The following PCDHA1 variants were observed in gnomAD, a reference collection of about 807,000 sequenced individuals.
PCDHA1 encodes protocadherin alpha 1.
A neutral mutation model predicts 61.3 loss-of-function variants in PCDHA1; 42 were observed. The observed-to-expected ratio is 0.69, with a 90% CI of 0.54 to 0.89. The LOEUF is 0.89. Ranked by LOEUF, PCDHA1 falls within the 40% of genes least tolerant of loss-of-function variation. The pLI, the probability that PCDHA1 is intolerant of heterozygous loss-of-function variation, is 0.00. For synonymous variants in PCDHA1, 610 were observed against 553.8 expected (o/e 1.10, Z -1.43); for missense variants, 1,256 against 1,235.3 (o/e 1.02, Z -0.25).
chr5:140,942,629 A>C (rs1401408646), intron 1 of PCDHA1, among the ~76,000 whole-genome samples: 1 of 152,076 alleles, frequency 6.6e-6, no homozygotes, highest in Non-Finnish European at 1.5e-5. Flanking sequence ...TAAAAAAAAA[A>C]ATGGCAAAAG....
intron 1 of PCDHA1, chr5:140,928,710 T>C (rs1370353227): frequency 3.7e-6 from 6 of 1,614,192 alleles, no homozygotes; most frequent in Non-Finnish European, 5.1e-6. Context: ...CGTCTGACTC[T>C]AGTCTCTTTA....
At chr5:140,801,956 A>C in intron 1 of PCDHA1, 2 of 1,614,204 alleles carry the variant, frequency 1.2e-6, no homozygotes, top group Non-Finnish European at 1.7e-6. Flanking sequence ...GATTACTCGA[A>C]AATGCACCAA....
At chr5:141,002,503 A>G (rs924059580) in intron 3 of PCDHA1, among the ~76,000 whole-genome samples, 1 of 152,226 alleles carries the variant, frequency 6.6e-6, no homozygotes, top group African/African-American at 2.4e-5. Flanking sequence ...ACAGCTCAGG[A>G]TCTGAGTCTC....
chr5:140,849,542 G>T lies in PCDHA1; in HGVS notation c.2394+60858G>T. On this transcript the variant is annotated intron_variant, in intron 1 of 3. Coordinates refer to ENST00000504120, the MANE Select transcript of PCDHA1 (RefSeq NM_018900.4). ...TGGATGTAAATGACAATGCTCCACAGTTGACTATCAAAACGCTCTCGGTTC... is the reference window on the plus strand; with the variant it reads ...TGGATGTAAATGACAATGCTCCACATTTGACTATCAAAACGCTCTCGGTTC... 3.1e-6 allele frequency: 5 copies of T among 1,598,272 alleles called. No homozygotes were observed. The South Asian group carries it at 5.5e-5, about 18-fold the overall frequency.
intron 1 of PCDHA1, among the ~76,000 whole-genome samples, chr5:140,951,356 C>T (rs1362153667): frequency 6.6e-6 from 1 of 151,998 alleles, no homozygotes; most frequent in African/African-American, 2.4e-5. Flanking sequence ...CATTATTGCA[C>T]TGTTATAAAG....
chr5:140,831,031 G>A (rs10038174), intron 1 of PCDHA1: 88,595 of 152,032 alleles, frequency 0.58, 26,556 homozygotes, highest in African/African-American at 0.72. Context: ...TTGTGATTCC[G>A]GGAGGCAATA....
At chr5:140,807,683 G>A (rs1364213662) in intron 1 of PCDHA1, 1 of 1,614,210 alleles carries the variant, frequency 6.2e-7, no homozygotes. Flanking sequence ...CGGGGAGAAC[G>A]CCCTGCTCAC....
intron 1 of PCDHA1, chr5:140,843,181 C>T (rs1463551741): frequency 1.3e-6 from 2 of 1,595,954 alleles, no homozygotes; most frequent in Non-Finnish European, 1.7e-6. Flanking sequence ...GCCCTCGCAT[C>T]CCGTTCCGCG....
chr5:141,007,722 A>G (rs559470783), intron 3 of PCDHA1, among the ~76,000 whole-genome samples: 30 of 152,290 alleles, frequency 2.0e-4, no homozygotes, highest in African/African-American at 6.5e-4. Flanking sequence ...ACCAGGGAGA[A>G]CAAAGGTTAA....
chr5:141,010,282 A>C lies in PCDHA1; in HGVS notation c.*345A>C, dbSNP rs375556483. The C allele has an allele frequency of 6.4e-7, 1 of 1,551,130 alleles. No homozygotes were observed. Among genetic ancestry groups the C allele is most frequent in the Admixed American group, 2.0e-5 (1 of 50,878 alleles). On this transcript the variant is annotated 3_prime_UTR_variant, in exon 4 of 4. Transcript: ENST00000504120. ...GTGCTCCGGGGATCCTGTCTTGATGACACTTGCAGGGCAGGCTGAAAAGTT... is the reference window on the plus strand; with the variant it reads ...GTGCTCCGGGGATCCTGTCTTGATGCCACTTGCAGGGCAGGCTGAAAAGTT...
chr5:140,851,036 T>C lies in PCDHA1; in HGVS notation c.2394+62352T>C. 2 of 1,401,900 alleles carry C rather than the reference T, an allele frequency of 1.4e-6. 1 individual carries two copies. The highest frequency in any genetic ancestry group is 3.7e-5 in the South Asian group (2 of 53,334). 86.8% of individuals were successfully genotyped at this position (1,401,900 alleles called of 1,614,324 possible). The stretch of plus-strand genomic sequence containing the variant: ...TTCTGATAAAGTAAACCCCTTAACA[T>C]TGGAGCCGACTTTGTCTTGACTTCT... On this transcript the variant is annotated intron_variant, in intron 1 of 3. Transcript: ENST00000504120.
chr5:140,803,759 T>G (rs1037330523), intron 1 of PCDHA1: 1 of 1,198,196 alleles, frequency 8.3e-7, no homozygotes, highest in Admixed American at 2.7e-5. Context: ...TTGTTGCTAA[T>G]TTTTGAACCA....
Position 140,787,799 on chromosome 5 carries a change from G to T in PCDHA1, c.1509G>T (p.Ala503=). Residue 503 remains alanine (A), a synonymous_variant, in exon 1 of 4, where the codon GCG becomes GCT. Transcript: ENST00000504120. The part of the protein sequence containing the change: ...SLVERRVGER[A]LSNYVSVHAE... ...TGGAACGGCGGGTGGGCGAGCGCGC[G>T]CTGTCGAACTACGTGTCAGTGCACG... The T allele has an allele frequency of 1.9e-6, 3 of 1,612,470 alleles. No homozygotes were observed. The East Asian group carries it at 6.7e-5, about 36-fold the overall frequency.
intron 1 of PCDHA1, chr5:140,869,485 G>A: frequency 6.2e-7 from 1 of 1,614,158 alleles, no homozygotes; most frequent in Non-Finnish European, 8.5e-7. Context: ...GGACATTAAC[G>A]ACAACCCGCC....
rs903321831 is a variant in PCDHA1, at chr5:140,926,671, C to A, written c.2395-52278C>A. ...CGGCTCCGCTTTCCCAGACGGCTGC[C>A]CAGCCTCCAGCCTAGCAAGCCCGGC... On this transcript the variant is annotated intron_variant, in intron 1 of 3. Coordinates refer to ENST00000504120, the MANE Select transcript of PCDHA1 (RefSeq NM_018900.4). The A allele has an allele frequency of 3.5e-5, 20 of 579,422 alleles. No homozygotes were observed. The South Asian group carries it at 7.5e-4, about 22-fold the overall frequency. 35.9% of individuals were successfully genotyped at this position (579,422 alleles called of 1,614,324 possible).
chr5:140,789,516 ATTTG>A (rs1761536080), intron 1 of PCDHA1, among the ~76,000 whole-genome samples: 1 of 151,976 alleles, frequency 6.6e-6, no homozygotes, highest in Admixed American at 6.6e-5. Flanking sequence ...TTATTGGGCG[ATTTG>A]TTTAATTTCT....
At chr5:140,995,390 C>A (rs1198231096) in intron 3 of PCDHA1, among the ~76,000 whole-genome samples, 1 of 152,088 alleles carries the variant, frequency 6.6e-6, no homozygotes, top group Non-Finnish European at 1.5e-5. Flanking sequence ...CAGGATAAAG[C>A]GGGATGGCTC....
rs2150134269 is a variant in PCDHA1, at chr5:140,824,393, A to T, written c.2394+35709A>T. On this transcript the variant is annotated intron_variant, in intron 1 of 3. Transcript: ENST00000504120. ...AATTTTGCATCTCTAAAAATGTAGG[A>T]TAATAATTGTAAGACATAGTTTGGA... 1.3e-5 allele frequency: 7 copies of T among 552,594 alleles called. No homozygotes were observed. The East Asian group carries it at 2.1e-4, about 17-fold the overall frequency. The allele number at this position is 552,594 out of a possible 1,614,324, so 34.2% of individuals were successfully genotyped here. A position where few individuals can be genotyped will look rare whatever the true frequency, so the allele number is the denominator to read the frequency against.
intron 1 of PCDHA1, among the ~76,000 whole-genome samples, chr5:140,894,553 T>G (rs2064537673): frequency 6.6e-6 from 1 of 152,008 alleles, no homozygotes; most frequent in South Asian, 2.1e-4. Flanking sequence ...TGTTTACTTC[T>G]GAAAAAATTA....
Sources: allele counts gnomAD v4.1 joint callset (sites outside exome capture counted in the v4.1 genomes callset), GRCh38; gene constraint gnomAD v4.1.1; transcripts MANE v1.5; gene names NCBI Gene and HGNC (gene_info 2026-07-23, HGNC 2026-07-21).